Variants in CELF6 observed in about 807,000 individuals in gnomAD.
CELF6 encodes Bruno -like 6, RNA binding protein.
CELF6 carries 32 observed loss-of-function variants against 53.1 expected under a neutral mutation model. That is an observed-to-expected ratio of 0.60 (90% CI 0.46 to 0.81). CELF6 has a LOEUF of 0.81. Among genes scored for constraint, CELF6 ranks in the 30% least tolerant of loss-of-function variants. The pLI, the probability that CELF6 is intolerant of heterozygous loss-of-function variation, is 0.00. For synonymous variants in CELF6, 291 were observed against 288.8 expected, an observed-to-expected ratio of 1.01 and a Z score of -0.08; for missense variants, 539 against 669.5, an observed-to-expected ratio of 0.81 and a Z score of 2.15.
intron 2 of CELF6, among the ~76,000 whole-genome samples, chr15:72,314,316 T>C (rs2912223): frequency 0.2 from 29,898 of 152,022 alleles, 7,859 homozygotes; most frequent in African/African-American, 0.6. Context: ...CCTTCTGGGA[T>C]CACTCATAGA....
intron 1 of CELF6, among the ~76,000 whole-genome samples, chr15:72,317,165 G>C (rs899234582): frequency 1.3e-4 from 20 of 152,286 alleles, no homozygotes; most frequent in Admixed American, 7.8e-4. Context: ...GCCTCAGTTG[G>C]ATTTTGAACT....
In CELF6 at chr15:72,288,930, G is replaced by A. The variant is rs201772134; in HGVS notation, c.1031C>T (p.Ala344Val). 4 of 1,550,256 alleles carry A rather than the reference G, an allele frequency of 2.6e-6. No individual in the cohort carries two copies. Among genetic ancestry groups the A allele is most frequent in the East Asian group, 2.4e-5 (1 of 40,928 alleles). ...GGGGTCAGCCACGCCGGGGCTCTGG[G>A]CTGGGGAGAGAGGGGCGCGAGGCCC... ...LYNNGLSPYPAQSPGVADPLQ... is the reference protein window; with the variant it reads ...LYNNGLSPYPVQSPGVADPLQ... The change falls in exon 9 of 13, where the codon GCC becomes GTC. Residue 344 changes from alanine (A) to valine (V), a missense_variant and splice_region_variant. Coordinates refer to ENST00000287202, the MANE Select transcript of CELF6 (RefSeq NM_052840.5). The surrounding 1 kb of genome is among the most constrained non-coding windows in gnomAD (Gnocchi z 4.6).
At chr15:72,308,660 T>A (rs868030994) in intron 2 of CELF6, among the ~76,000 whole-genome samples, 1 of 152,186 alleles carries the variant, frequency 6.6e-6, no homozygotes, top group Non-Finnish European at 1.5e-5. Context: ...GCAATGAGGA[T>A]CCAGGGGAGG....
At chr15:72,304,470 C>T (rs578060201) in intron 3 of CELF6, among the ~76,000 whole-genome samples, 21 of 152,298 alleles carry the variant, frequency 1.4e-4, no homozygotes, top group Admixed American at 3.9e-4. Context: ...GGAATGATCT[C>T]TCTCCAAGGG....
rs2087916079 is a variant in CELF6, at chr15:72,285,990, G to C, written c.*381C>G. 1 of 152,376 alleles carries C rather than the reference G, an allele frequency of 6.6e-6. No individual in the cohort carries two copies. Among genetic ancestry groups the C allele is most frequent in the Admixed American group, 6.6e-5 (1 of 15,258 alleles). The allele number at this position is 152,376 out of a possible 1,614,324, so 9.4% of individuals were successfully genotyped here. A position where few individuals can be genotyped will look rare whatever the true frequency, so the allele number is the denominator to read the frequency against. ...TTGTTTCTTTGTTTTAATTTATATA[G>C]ATATATATATTCTTAAAAAAGCAAT... On this transcript the variant is annotated 3_prime_UTR_variant, in exon 13 of 13. Coordinates refer to ENST00000287202, the MANE Select transcript of CELF6 (RefSeq NM_052840.5).
At chr15:72,313,226 A>G (rs1288618325) in intron 2 of CELF6, among the ~76,000 whole-genome samples, 1 of 152,174 alleles carries the variant, frequency 6.6e-6, no homozygotes, top group East Asian at 1.9e-4. Context: ...TCCCATTATT[A>G]ACTATATGAC....
chr15:72,298,563 TA>T (rs2088108117), intron 3 of CELF6, among the ~76,000 whole-genome samples: 1 of 152,220 alleles, frequency 6.6e-6, no homozygotes, highest in African/African-American at 2.4e-5. Context: ...GATACATGAA[TA>T]TTTGCTGAGT....
At position 72,287,294 on chromosome 15, in the gene CELF6, G is replaced by T. The variant is rs760379153; in HGVS notation, c.1417C>A (p.Arg473=). ...TAAGGCCGGTTGGCATCCTTGGGCC[G>T]CTTTAGCTGGACCTTGAGCCTCTTC... ...GMKRLKVQLK[R]PKDANRPY is the part of the protein sequence containing the mutation. The change falls in exon 12 of 13, where the codon CGG becomes AGG. Residue 473 remains arginine, a synonymous_variant. Coordinates refer to ENST00000287202, the MANE Select transcript of CELF6 (RefSeq NM_052840.5). The T allele has an allele frequency of 1.9e-6, 3 of 1,614,018 alleles. No individual in the cohort carries two copies. The East Asian group carries it at 6.7e-5, about 36-fold the overall frequency.
Position 72,319,932 on chromosome 15 carries a change from C to T in CELF6, c.-58G>A, listed in dbSNP as rs2088408043. ...ACTGGTCCCGCCTGTCCCGCCGTCC[C>T]CTCCCTGGACCGGTGGCGAGGGCCA... On this transcript the variant is annotated 5_prime_UTR_variant, in exon 1 of 13. Transcript: ENST00000287202. This position sits in a 1 kb window ranked among gnomAD's most constrained non-coding sequence, Gnocchi z 5.0. 1 of 1,386,398 alleles carries T rather than the reference C, an allele frequency of 7.2e-7. No homozygotes were observed. The allele number at this position is 1,386,398 out of a possible 1,614,324, so 85.9% of individuals were successfully genotyped here.
In CELF6 at chr15:72,288,363, G is replaced by A. The variant is rs777339349; in HGVS notation, c.1263C>T (p.Ala421=). The A allele has an allele frequency of 1.9e-6, 3 of 1,614,142 alleles. No homozygotes were observed. Among genetic ancestry groups the A allele is most frequent in the South Asian group, 1.1e-5 (1 of 91,082 alleles). ...ELIQTFLPFG[A]VVSAKVFVDR... Reference sequence around the variant, plus strand: ...CCACAAAGACTTTAGCAGAGACAACGGCTCCAAAGGGCAGGAATGTCTGTA... The same window carrying A: ...CCACAAAGACTTTAGCAGAGACAACAGCTCCAAAGGGCAGGAATGTCTGTA... Residue 421 remains alanine (A), a synonymous_variant, in exon 11 of 13, where the codon GCC becomes GCT. Transcript: ENST00000287202. This position sits in a 1 kb window ranked among gnomAD's most constrained non-coding sequence, Gnocchi z 4.6.
chr15:72,287,512 C>T (rs2087938092), intron 11 of CELF6, 120 bp from the exon 12 acceptor site: 1 of 1,098,406 alleles, frequency 9.1e-7, no homozygotes, highest in Admixed American at 2.1e-5. Context: ...ACATACCCCT[C>T]CACTGTTTGT....
intron 3 of CELF6, among the ~76,000 whole-genome samples, chr15:72,295,163 G>A (rs1595777851): frequency 6.7e-6 from 1 of 150,006 alleles, no homozygotes; most frequent in Admixed American, 6.7e-5. Context: ...GCAAAATCCT[G>A]TCTCCACTAA....
At chr15:72,305,006 C>T (rs938223850) in intron 2 of CELF6, among the ~76,000 whole-genome samples, 1 of 152,126 alleles carries the variant, frequency 6.6e-6, no homozygotes, top group African/African-American at 2.4e-5. Context: ...GGATGGGTGA[C>T]AGGAACTTAG....
chr15:72,287,158 G>T (rs957018658), intron 12 of CELF6, 79 bp downstream of exon 12: 8 of 1,389,686 alleles, frequency 5.8e-6, no homozygotes, highest in South Asian at 4.1e-5. Context: ...TGCCTCCAAG[G>T]TCCCAAAAGG....
rs542937838 is a variant in CELF6 at position 72,312,733 on chromosome 15, C to T, written c.345+3112G>A. 3.7e-4 allele frequency among the ~76,000 whole-genome samples: 56 copies of T among 152,354 alleles called. No homozygotes were observed. In the South Asian group the frequency reaches 0.011, roughly 31 times the overall value. ...CCTTTTCTGGTCCCATGGTGACAGT[C>T]CTGCCTGATGCCAGCAGGAATTCAG... On this transcript the variant is annotated intron_variant, in intron 2 of 12. Coordinates refer to ENST00000287202, the MANE Select transcript of CELF6 (RefSeq NM_052840.5).
chr15:72,312,256 C>A (rs2088306048), intron 2 of CELF6, among the ~76,000 whole-genome samples: 3 of 152,242 alleles, frequency 2.0e-5, no homozygotes, highest in South Asian at 4.2e-4. Flanking sequence ...GGGAGGCAAG[C>A]TTTCATAGGG....
chr15:72,289,934 C>T lies in CELF6; in HGVS notation c.603+5G>A, dbSNP rs1171844621. 6.4e-7 allele frequency: 1 copy of T among 1,559,904 alleles called. No homozygotes were observed. Among genetic ancestry groups the T allele is most frequent in the Non-Finnish European group, 8.7e-7 (1 of 1,154,236 alleles). On this transcript the variant is annotated splice_donor_5th_base_variant and intron_variant, in intron 5 of 12. Coordinates refer to ENST00000287202, the MANE Select transcript of CELF6 (RefSeq NM_052840.5). This position sits in a 1 kb window ranked among gnomAD's most constrained non-coding sequence, Gnocchi z 7.6. ...TCACCCTCAGCCCAGGGAACCCGCC[C>T]TCACCGCCATGGTCCGGCTGCCGTG...
At chr15:72,317,598 A>C (rs1482601884) in intron 1 of CELF6, among the ~76,000 whole-genome samples, 1 of 152,218 alleles carries the variant, frequency 6.6e-6, no homozygotes, top group Non-Finnish European at 1.5e-5. Context: ...CGGTACCCAG[A>C]CATCAAAAGG....
rs780912874 is a variant in CELF6, at chr15:72,284,789, C to T, written c.*1582G>A. ...AGGAGGAGCCCTCCACCCCCACCCC[C>T]ACATCTTTTACTATCTGACATGTTA... On this transcript the variant is annotated 3_prime_UTR_variant, in exon 13 of 13. Coordinates refer to ENST00000287202, the MANE Select transcript of CELF6 (RefSeq NM_052840.5). The T allele has an allele frequency of 2.0e-5, 3 of 152,684 alleles. No homozygotes were observed. Among genetic ancestry groups the T allele is most frequent in the Non-Finnish European group, 2.9e-5 (2 of 68,056 alleles). 9.5% of individuals were successfully genotyped at this position (152,684 alleles called of 1,614,324 possible).
Sources: allele counts gnomAD v4.1 joint callset (sites outside exome capture counted in the v4.1 genomes callset), GRCh38; gene constraint gnomAD v4.1.1; non-coding constraint Gnocchi (gnomAD v3.1); transcripts MANE v1.5; gene names NCBI Gene and HGNC (gene_info 2026-07-23, HGNC 2026-07-21).